The following TOX3 variants were observed in gnomAD, a reference collection of about 807,000 sequenced individuals.
TOX3 encodes TOX high mobility group box family member 3.
Under a neutral mutation model 64.3 loss-of-function variants are expected in TOX3, and 22 were observed. That is an observed-to-expected ratio of 0.34 (90% CI 0.24 to 0.49). TOX3 has a LOEUF of 0.49. Ranked by LOEUF, TOX3 falls within the 20% of genes least tolerant of loss-of-function variation. TOX3 has a pLI of 0.99. For synonymous variants in TOX3, 291 were observed against 273.6 expected (o/e 1.06, Z -0.63); for missense variants, 661 against 714.4 (o/e 0.93, Z 0.85).
At chr16:52,505,951 GGGTGA>G (rs1962151058) in intron 1 of TOX3, among the ~76,000 whole-genome samples, 2 of 152,152 alleles carry the variant, frequency 1.3e-5, no homozygotes, top group Admixed American at 6.5e-5. Flanking sequence ...ACTCCAGCCT[GGGTGA>G]CAGAGCAAGA....
chr16:52,448,681 C>T (rs991256284), intron 4 of TOX3, among the ~76,000 whole-genome samples: 4 of 152,172 alleles, frequency 2.6e-5, no homozygotes, highest in African/African-American at 7.2e-5. Flanking sequence ...TTCTCTAGCT[C>T]CTCTTCTTCC....
chr16:52,497,329 A>G (rs1291035937), intron 1 of TOX3, among the ~76,000 whole-genome samples: 1 of 152,222 alleles, frequency 6.6e-6, no homozygotes, highest in Non-Finnish European at 1.5e-5. Flanking sequence ...AGTGACTCAT[A>G]TATCAGTCTA....
intron 1 of TOX3, among the ~76,000 whole-genome samples, chr16:52,535,856 A>G (rs1460135622): frequency 6.6e-6 from 1 of 152,148 alleles, no homozygotes; most frequent in Non-Finnish European, 1.5e-5. Context: ...TCAAATACTG[A>G]TAAAAAAAAT....
intron 4 of TOX3, among the ~76,000 whole-genome samples, chr16:52,448,003 T>C (rs923240349): frequency 6.6e-6 from 1 of 151,922 alleles, no homozygotes; most frequent in Non-Finnish European, 1.5e-5. Flanking sequence ...TGTAAAACAA[T>C]ATTCAAATGT....
intron 1 of TOX3, among the ~76,000 whole-genome samples, chr16:52,472,634 T>C (rs1961081879): frequency 6.6e-6 from 1 of 152,170 alleles, no homozygotes; most frequent in African/African-American, 2.4e-5. Flanking sequence ...GGGCCTTCTA[T>C]GCAATTTCAA....
chr16:52,503,289 C>G (rs967517483), intron 1 of TOX3, among the ~76,000 whole-genome samples: 2 of 152,114 alleles, frequency 1.3e-5, no homozygotes, highest in African/African-American at 4.8e-5. Flanking sequence ...GGGAAACTGA[C>G]CTGCCATCTC....
intron 1 of TOX3, among the ~76,000 whole-genome samples, chr16:52,529,138 T>C (rs919469713): frequency 1.3e-5 from 2 of 152,218 alleles, no homozygotes; most frequent in African/African-American, 4.8e-5. Flanking sequence ...TTTTGAATGA[T>C]AAGAGAGTGC....
At chr16:52,456,650 C>A (rs1190550204) in intron 3 of TOX3, among the ~76,000 whole-genome samples, 1 of 152,188 alleles carries the variant, frequency 6.6e-6, no homozygotes, top group African/African-American at 2.4e-5. Context: ...GCCTGAAACC[C>A]AGTCTATTAT....
At chr16:52,464,400 T>C (rs761500785) in intron 2 of TOX3, among the ~76,000 whole-genome samples, 4 of 152,064 alleles carry the variant, frequency 2.6e-5, no homozygotes, top group Non-Finnish European at 2.9e-5. Context: ...TATCATATGG[T>C]TTTAATGGAG....
At chr16:52,477,013 A>G (rs780420389) in intron 1 of TOX3, among the ~76,000 whole-genome samples, 27 of 152,154 alleles carry the variant, frequency 1.8e-4, no homozygotes, top group Admixed American at 2.6e-4. Context: ...GTAGATGTAC[A>G]TGTTTGTTAC....
At chr16:52,497,655 A>C (rs1046981980) in intron 1 of TOX3, among the ~76,000 whole-genome samples, 1 of 152,238 alleles carries the variant, frequency 6.6e-6, no homozygotes, top group African/African-American at 2.4e-5. Context: ...CACTTAAGAC[A>C]ACACCTACCT....
chr16:52,454,364 T>C (rs934760291), intron 3 of TOX3, among the ~76,000 whole-genome samples: 1 of 152,158 alleles, frequency 6.6e-6, no homozygotes, highest in Non-Finnish European at 1.5e-5. Flanking sequence ...TCCAAAAAGA[T>C]GCCATCTCCC....
intron 3 of TOX3, among the ~76,000 whole-genome samples, chr16:52,454,041 C>T (rs1960441513): frequency 1.3e-5 from 2 of 152,108 alleles, no homozygotes; most frequent in South Asian, 4.1e-4. Flanking sequence ...AATGATTCCC[C>T]AGGCCCCCAA....
intron 1 of TOX3, among the ~76,000 whole-genome samples, chr16:52,527,353 G>T (rs1360024903): frequency 6.6e-6 from 1 of 152,072 alleles, no homozygotes; most frequent in Non-Finnish European, 1.5e-5. Context: ...ACCAGTCATT[G>T]GTGGTGCTTT....
chr16:52,439,018 A>T lies in TOX3; in HGVS notation c.*207T>A. The T allele has an allele frequency of 1.3e-6, 1 of 795,512 alleles. No homozygotes were observed. The highest frequency in any genetic ancestry group is 2.2e-6 in the Non-Finnish European group (1 of 461,750). The allele number at this position is 795,512 out of a possible 1,614,324, so 49.3% of individuals were successfully genotyped here. On this transcript the variant is annotated 3_prime_UTR_variant, in exon 7 of 7. Transcript: ENST00000219746. Reference sequence around the variant, plus strand: ...AAAAGAGCACAGCTTTTCTTGTTTAAAAACAAAGTGATTTATAGTCAGCTA... The same window carrying T: ...AAAAGAGCACAGCTTTTCTTGTTTATAAACAAAGTGATTTATAGTCAGCTA...
intron 1 of TOX3, among the ~76,000 whole-genome samples, chr16:52,522,267 T>A (rs1962628299): frequency 6.6e-6 from 1 of 152,204 alleles, no homozygotes; most frequent in Non-Finnish European, 1.5e-5. Context: ...AGTGGAAGTG[T>A]GGAACTTCAG....
intron 3 of TOX3, among the ~76,000 whole-genome samples, chr16:52,456,666 A>G (rs978385179): frequency 6.6e-6 from 1 of 152,248 alleles, no homozygotes; most frequent in African/African-American, 2.4e-5. Context: ...ATTATTGAAC[A>G]TTAATCATTT....
chr16:52,489,836 C>T (rs1961627952), intron 1 of TOX3, among the ~76,000 whole-genome samples: 1 of 151,974 alleles, frequency 6.6e-6, no homozygotes, highest in African/African-American at 2.4e-5. Context: ...ACCTTTGATT[C>T]TCTCTTATCC....
intron 1 of TOX3, among the ~76,000 whole-genome samples, chr16:52,508,267 G>A (rs968715480): frequency 6.6e-5 from 10 of 152,102 alleles, no homozygotes; most frequent in African/African-American, 2.2e-4. Context: ...ATAATTCAAC[G>A]TTGCCAAGTC....
Sources: gnomAD v4.1 joint callset for allele counts (sites outside exome capture counted in the v4.1 genomes callset) on GRCh38, gnomAD v4.1.1 for gene constraint, MANE v1.5 for transcripts, NCBI Gene and HGNC (gene_info 2026-07-23, HGNC 2026-07-21) for gene names.